Variants in RAB3C observed in about 807,000 individuals in gnomAD.
The protein encoded by RAB3C is ras-related protein Rab-3C.
A neutral mutation model predicts 26.4 loss-of-function variants in RAB3C; 17 were observed. That is an observed-to-expected ratio of 0.64 (90% CI 0.44 to 0.97). The LOEUF (loss-of-function observed/expected upper bound fraction) is 0.97. RAB3C is among the 50% of genes least tolerant of loss of function. RAB3C has a pLI of 0.00. For synonymous variants in RAB3C, 91 were observed against 95.9 expected, an observed-to-expected ratio of 0.95 and a Z score of 0.30; for missense variants, 242 against 281.9, an observed-to-expected ratio of 0.86 and a Z score of 1.01.
chr5:58,738,519 G>A (rs565317992), intron 3 of RAB3C, among the ~76,000 whole-genome samples: 1 of 147,420 alleles, frequency 6.8e-6, no homozygotes, highest in Non-Finnish European at 1.5e-5. Flanking sequence ...AGAGAATAGA[G>A]AGAGACACTT....
intron 3 of RAB3C, among the ~76,000 whole-genome samples, chr5:58,804,025 A>T (rs2675392): frequency 0.49 from 73,983 of 150,920 alleles, 18,474 homozygotes; most frequent in Middle Eastern, 0.68. Flanking sequence ...GTGCCATTGC[A>T]CTCCAGCCCA....
chr5:58,583,061 G>T (rs953322491), upstream of RAB3C: 29 of 1,489,730 alleles, frequency 1.9e-5, no homozygotes, highest in African/African-American at 3.6e-4. Context: ...GCGGCGCCAG[G>T]AGAGGACAGC....
chr5:58,645,920 G>T (rs905985787), intron 2 of RAB3C, among the ~76,000 whole-genome samples: 28 of 152,184 alleles, frequency 1.8e-4, no homozygotes, highest in Non-Finnish European at 3.5e-4. Context: ...CCCACGTTAG[G>T]AGAGGAGAGA....
chr5:58,620,818 G>A (rs539195260), intron 2 of RAB3C, among the ~76,000 whole-genome samples: 1 of 152,284 alleles, frequency 6.6e-6, no homozygotes, highest in Admixed American at 6.5e-5. Flanking sequence ...CTTGAGTGAT[G>A]CATCTGGGAT....
intron 1 of RAB3C, among the ~76,000 whole-genome samples, chr5:58,592,885 C>T (rs762356952): frequency 1.3e-5 from 2 of 151,804 alleles, no homozygotes; most frequent in Non-Finnish European, 2.9e-5. Context: ...GCCTAGATGT[C>T]GTTTTATTTA....
At chr5:58,745,770 C>CT (rs1231186317) in intron 3 of RAB3C, among the ~76,000 whole-genome samples, 1 of 152,210 alleles carries the variant, frequency 6.6e-6, no homozygotes, top group African/African-American at 2.4e-5. Context: ...TTATTATATT[C>CT]TACCTTGTAT....
At chr5:58,613,063 C>T (rs1204132036) in intron 1 of RAB3C, among the ~76,000 whole-genome samples, 1 of 152,124 alleles carries the variant, frequency 6.6e-6, no homozygotes, top group East Asian at 1.9e-4. Context: ...TTTCTTTTTC[C>T]TGTGTTGTTT....
intron 2 of RAB3C, among the ~76,000 whole-genome samples, chr5:58,694,945 T>C (rs1298242578): frequency 6.6e-6 from 1 of 152,182 alleles, no homozygotes; most frequent in African/African-American, 2.4e-5. Flanking sequence ...TTAGATCCCA[T>C]TTGTCTGTTT....
intron 2 of RAB3C, among the ~76,000 whole-genome samples, chr5:58,698,964 C>T (rs1270575348): frequency 3.9e-5 from 6 of 152,260 alleles, no homozygotes; most frequent in Non-Finnish European, 7.4e-5. Context: ...AGCTTTATTC[C>T]GTTGCTCACA....
Position 58,852,362 on chromosome 5 carries a change from C to T in RAB3C, c.*1011C>T, listed in dbSNP as rs1744132288. On this transcript the variant is annotated 3_prime_UTR_variant, in exon 5 of 5. Transcript: ENST00000282878. ...CTTTCCGTAGGATGTAGACTTGCCT[C>T]CCCAAACACGGCCATCTTCTCAAAC... 6.6e-6 allele frequency: 1 copy of T among 152,158 alleles called. No individual in the cohort carries two copies. The highest frequency in any genetic ancestry group is 1.5e-5 in the Non-Finnish European group (1 of 68,038). The allele number at this position is 152,158 out of a possible 1,614,324, so 9.4% of individuals were successfully genotyped here.
In RAB3C at chr5:58,693,353, T is replaced by C. The variant is rs181071075; in HGVS notation, c.253-32649T>C. 5.3e-4 allele frequency among the ~76,000 whole-genome samples: 75 copies of C among 142,232 alleles called. 1 individual carries two copies. Among genetic ancestry groups the C allele is most frequent in the African/African-American group, 2.0e-3 (75 of 36,972 alleles). The allele number at this position is 142,232 out of a possible 152,430, so 93.3% of individuals were successfully genotyped here. The stretch of plus-strand genomic sequence containing the variant: ...ATATATGTGTATATATATATATATA[T>C]ATATATATAAAATTTCTTAAAACCT... On this transcript the variant is annotated intron_variant, in intron 2 of 4. Transcript: ENST00000282878.
At chr5:58,754,377 G>A (rs576985738) in intron 3 of RAB3C, among the ~76,000 whole-genome samples, 1 of 152,186 alleles carries the variant, frequency 6.6e-6, no homozygotes, top group African/African-American at 2.4e-5. Context: ...TCTTGTTTTT[G>A]TTTCTAGTTC....
At chr5:58,668,256 C>T (rs1202612608) in intron 2 of RAB3C, among the ~76,000 whole-genome samples, 1 of 152,100 alleles carries the variant, frequency 6.6e-6, no homozygotes, top group Non-Finnish European at 1.5e-5. Context: ...TTAAGTGGAG[C>T]AAACTGACCT....
chr5:58,719,462 T>C (rs1334802327), intron 2 of RAB3C, among the ~76,000 whole-genome samples: 1 of 151,988 alleles, frequency 6.6e-6, no homozygotes, highest in Non-Finnish European at 1.5e-5. Context: ...TGGGTAGCTC[T>C]GAGATTTATA....
intron 3 of RAB3C, among the ~76,000 whole-genome samples, chr5:58,727,009 A>C (rs1396431727): frequency 6.6e-6 from 1 of 151,970 alleles, no homozygotes; most frequent in Non-Finnish European, 1.5e-5. Context: ...TGGAGTTCCC[A>C]CTGGTGGTGG....
At position 58,652,423 on chromosome 5, in the gene RAB3C, AT is replaced by A. The variant is rs553500152; in HGVS notation, c.252+34561del. 1.2e-3 allele frequency among the ~76,000 whole-genome samples: 182 copies of A among 151,422 alleles called. 1 individual carries two copies. The highest frequency in any genetic ancestry group is 3.7e-3 in the African/African-American group (154 of 41,298). ...AACTTATCTTTTTTTCTTAAAACTT[AT>A]TTTTTTTCTTAAAATGTAATGAGTT... is the stretch of plus-strand genomic sequence containing the variant. On this transcript the variant is annotated intron_variant, in intron 2 of 4. Transcript: ENST00000282878.
intron 4 of RAB3C, among the ~76,000 whole-genome samples, chr5:58,830,017 G>A (rs111922796): frequency 1.8e-4 from 28 of 152,250 alleles, no homozygotes; most frequent in East Asian, 1.5e-3. Flanking sequence ...TTATGAACAC[G>A]TAAACAGGGC....
intron 2 of RAB3C, among the ~76,000 whole-genome samples, chr5:58,630,316 T>C (rs1433062027): frequency 1.3e-5 from 2 of 152,214 alleles, no homozygotes; most frequent in African/African-American, 2.4e-5. Context: ...TTTGAACTCA[T>C]TTCACCCTTA....
intron 1 of RAB3C, among the ~76,000 whole-genome samples, chr5:58,584,038 C>T (rs999895990): frequency 2.6e-5 from 4 of 152,170 alleles, no homozygotes; most frequent in Non-Finnish European, 5.9e-5. Flanking sequence ...TAACGTTAAA[C>T]ATCAGCTTGT....
Sources: allele counts gnomAD v4.1 joint callset (sites outside exome capture counted in the v4.1 genomes callset), GRCh38; gene constraint gnomAD v4.1.1; transcripts MANE v1.5; gene names NCBI Gene and HGNC (gene_info 2026-07-23, HGNC 2026-07-21).